Variants in ARMC3 observed in about 807,000 individuals in gnomAD.
The protein encoded by ARMC3 is armadillo repeat containing 3, also known as armadillo repeat-containing protein 3.
ARMC3 carries 74 observed loss-of-function variants against 90.3 expected under a neutral mutation model. The ratio of observed to expected loss-of-function variants is 0.82; its 90% CI spans 0.68 to 0.99. The LOEUF (loss-of-function observed/expected upper bound fraction) is 0.99. ARMC3 is among the 50% of genes least tolerant of loss of function. The pLI is 0.00. For missense variants in ARMC3, 958 were observed against 1,042.8 expected, an observed-to-expected ratio of 0.92 and a Z score of 1.12; for synonymous variants, 334 against 361.8, an observed-to-expected ratio of 0.92 and a Z score of 0.87.
chr10:22,931,141 A>C (rs746432243), intron 1 of ARMC3, among the ~76,000 whole-genome samples: 16 of 152,110 alleles, frequency 1.1e-4, no homozygotes, highest in Non-Finnish European at 2.1e-4. Flanking sequence ...GTTGGCCAGG[A>C]TGGTCTTGAA....
At chr10:23,001,388 T>G (rs768625557) in intron 11 of ARMC3, among the ~76,000 whole-genome samples, 4 of 152,222 alleles carry the variant, frequency 2.6e-5, no homozygotes, top group Non-Finnish European at 5.9e-5. Flanking sequence ...CTGCAACCTC[T>G]GCTTCCATCA....
intron 8 of ARMC3, among the ~76,000 whole-genome samples, chr10:22,979,310 A>T (rs905434837): frequency 2.0e-5 from 3 of 152,232 alleles, no homozygotes; most frequent in Non-Finnish European, 4.4e-5. Flanking sequence ...CAATTCAAGG[A>T]AAGTATTTGG....
At chr10:23,005,599 A>T (rs1312555072) in intron 13 of ARMC3, among the ~76,000 whole-genome samples, 6 of 151,992 alleles carry the variant, frequency 3.9e-5, no homozygotes, top group Non-Finnish European at 1.5e-5. Context: ...GTGCGGTGGC[A>T]CACGCCTGTA....
intron 3 of ARMC3, among the ~76,000 whole-genome samples, chr10:22,947,448 C>T (rs192276143): frequency 6.6e-6 from 1 of 152,072 alleles, no homozygotes; most frequent in African/African-American, 2.4e-5. Flanking sequence ...AAATCTATAA[C>T]CCCAGTTTAA....
Position 22,998,387 on chromosome 10 carries a change from C to A in ARMC3, c.1415C>A (p.Ala472Asp). 1 of 1,614,036 alleles carries A rather than the reference C, an allele frequency of 6.2e-7. No individual in the cohort carries two copies. The highest frequency in any genetic ancestry group is 8.5e-7 in the Non-Finnish European group (1 of 1,179,982). The stretch of plus-strand genomic sequence containing the variant: ...ACCGCAACTGCGTGTGACGTTGAAG[C>A]CCGGACTGAGGTGAGAATTTTAATA... Reference protein sequence around the residue: ...AVTATACDVEARTELRNSGGL... With the variant: ...AVTATACDVEDRTELRNSGGL... Residue 472 changes from alanine to aspartate, a missense_variant, in exon 11 of 19, where the codon GCC becomes GAC. By Grantham distance (126) the Ala-to-Asp change is moderately radical. Coordinates refer to ENST00000298032, the MANE Select transcript of ARMC3 (RefSeq NM_173081.5).
chr10:23,024,457 C>A (rs138878588), intron 16 of ARMC3, among the ~76,000 whole-genome samples: 257 of 152,152 alleles, frequency 1.7e-3, no homozygotes, highest in African/African-American at 5.9e-3. Flanking sequence ...GTAGACTATC[C>A]ATTTCCTCAT....
rs569454800 is a variant in ARMC3 at position 22,940,945 on chromosome 10, C to G, written c.49-5199C>G. 7.2e-5 allele frequency among the ~76,000 whole-genome samples: 11 copies of G among 152,234 alleles called. No individual in the cohort carries two copies. In the South Asian group the frequency reaches 1.7e-3, roughly 23 times the overall value. On this transcript the variant is annotated intron_variant, in intron 2 of 18. Coordinates refer to ENST00000298032, the MANE Select transcript of ARMC3 (RefSeq NM_173081.5). The stretch of plus-strand genomic sequence containing the variant: ...ACATAATGGTTCCAACTTGAAACAA[C>G]CCAGAGGTCTATCAACAGTTGAATG...
chr10:23,009,005 C>A (rs1837787935), intron 16 of ARMC3, 74 bp downstream of exon 16: 2 of 1,229,582 alleles, frequency 1.6e-6, no homozygotes, highest in Non-Finnish European at 2.3e-6. Flanking sequence ...CAGTAGGAAG[C>A]TTTCTTCTGA....
intron 16 of ARMC3, among the ~76,000 whole-genome samples, chr10:23,012,647 C>T (rs933405914): frequency 2.7e-4 from 41 of 152,144 alleles, no homozygotes; most frequent in African/African-American, 8.9e-4. Context: ...GCCTAGGAAC[C>T]ATCTTGAAGT....
At chr10:22,979,152 A>G (rs1299740057) in intron 8 of ARMC3, among the ~76,000 whole-genome samples, 2 of 152,190 alleles carry the variant, frequency 1.3e-5, no homozygotes, top group Non-Finnish European at 2.9e-5. Context: ...TTACATACAG[A>G]TTTGTTTCCA....
At chr10:22,971,448 T>G (rs377139653) in intron 8 of ARMC3, among the ~76,000 whole-genome samples, 11 of 150,066 alleles carry the variant, frequency 7.3e-5, no homozygotes, top group South Asian at 6.3e-4. Context: ...TTAGTTTTTT[T>G]TTTTTTTTTT....
intron 10 of ARMC3, among the ~76,000 whole-genome samples, chr10:22,992,566 A>G (rs1836758755): frequency 6.6e-6 from 1 of 152,162 alleles, no homozygotes; most frequent in Non-Finnish European, 1.5e-5. Context: ...TAATTGTGAA[A>G]AACTTCTTAA....
At chr10:22,973,433 T>A (rs1835761389) in intron 8 of ARMC3, among the ~76,000 whole-genome samples, 1 of 151,012 alleles carries the variant, frequency 6.6e-6, no homozygotes, top group African/African-American at 2.4e-5. Flanking sequence ...TTTGTACAAG[T>A]GTTCTATTAA....
intron 4 of ARMC3, 33 bp from the exon 5 acceptor site, chr10:22,959,031 TTATTAA>T: frequency 6.8e-7 from 1 of 1,461,806 alleles, no homozygotes. Context: ...CCTATTATTA[TTATTAA>T]TAAACATCAA....
At chr10:22,974,439 T>G (rs893156532) in intron 8 of ARMC3, among the ~76,000 whole-genome samples, 2 of 152,220 alleles carry the variant, frequency 1.3e-5, no homozygotes, top group Non-Finnish European at 2.9e-5. Context: ...TTTTATGTTT[T>G]ATGCTTTCTG....
At chr10:23,008,505 C>T in intron 15 of ARMC3, 131 bp downstream of exon 15, 1 of 648,256 alleles carries the variant, frequency 1.5e-6, no homozygotes, top group Non-Finnish European at 2.7e-6. Flanking sequence ...GCATAATTGC[C>T]TTTTACATTG....
chr10:22,967,362 A>G lies in ARMC3; in HGVS notation c.733-944A>G, dbSNP rs77283003. 2.3e-3 allele frequency among the ~76,000 whole-genome samples: 356 copies of G among 152,230 alleles called. 3 individuals are homozygous for G. The highest frequency in any genetic ancestry group is 8.1e-3 in the African/African-American group (338 of 41,542). ...TTCATCACAGGTTTTCTCCTTGTCA[A>G]TTTGGTACCCATATACCTCTTAAAT... On this transcript the variant is annotated intron_variant, in intron 7 of 18. Coordinates refer to ENST00000298032, the MANE Select transcript of ARMC3 (RefSeq NM_173081.5).
intron 10 of ARMC3, among the ~76,000 whole-genome samples, chr10:22,987,506 A>C (rs1160006722): frequency 6.6e-6 from 1 of 152,250 alleles, no homozygotes; most frequent in Non-Finnish European, 1.5e-5. Flanking sequence ...ATTAGTATAA[A>C]TGTTGGCTAG....
chr10:23,030,439 A>G (rs538097575), intron 16 of ARMC3, among the ~76,000 whole-genome samples, 157 bp from the exon 17 acceptor site: 1 of 152,210 alleles, frequency 6.6e-6, no homozygotes, highest in African/African-American at 2.4e-5. Context: ...TTACTGAAAA[A>G]AAATCCACAT....
Sources: gnomAD v4.1 joint callset for allele counts (sites outside exome capture counted in the v4.1 genomes callset) on GRCh38, gnomAD v4.1.1 for gene constraint, MANE v1.5 for transcripts, NCBI Gene and HGNC (gene_info 2026-07-23, HGNC 2026-07-21) for gene names.